Variants in SCLT1 observed in about 807,000 individuals in gnomAD.
The protein encoded by SCLT1 is sodium channel and clathrin linker 1, also known as sodium channel-associated protein 1.
A neutral mutation model predicts 112.8 loss-of-function variants in SCLT1; 78 were observed. The observed-to-expected ratio is 0.69, with a 90% confidence interval of 0.58 to 0.83. The LOEUF (loss-of-function observed/expected upper bound fraction) is 0.83, where lower values mean the gene tolerates loss of function less well. Ranked by LOEUF, SCLT1 falls within the 40% of genes least tolerant of loss-of-function variation. SCLT1 has a pLI of 0.00. For missense variants in SCLT1, 747 were observed against 770.4 expected (o/e 0.97, Z 0.36); for synonymous variants, 257 against 254.7 (o/e 1.01, Z -0.09).
chr4:128,952,823 T>C lies in SCLT1; in HGVS notation c.1164A>G (p.Lys388=), dbSNP rs751460794. The change falls in exon 14 of 21, where the codon AAA becomes AAG. Residue 388 remains lysine (K), a synonymous_variant. Transcript: ENST00000281142. ...RTKKEVANTK[K]QCNIQISRLT... The stretch of plus-strand genomic sequence containing the variant: ...ATCGAGAAATTTGTATATTACATTG[T>C]TTTTTGGTGTTTGCAACCTGTAAAT... 9 of 1,557,068 alleles carry C rather than the reference T, an allele frequency of 5.8e-6. No homozygotes were observed. In the East Asian group the frequency reaches 2.0e-4, roughly 35 times the overall value.
chr4:129,039,891 TGC>T (rs139255081), intron 4 of SCLT1: 83 of 264,014 alleles, frequency 3.1e-4, no homozygotes, highest in Middle Eastern at 3.0e-3. Context: ...ATGGAGAGTG[TGC>T]GCGCGCGCAC....
chr4:129,030,554 C>T (rs370341030), intron 5 of SCLT1, among the ~76,000 whole-genome samples: 56 of 151,808 alleles, frequency 3.7e-4, no homozygotes, highest in African/African-American at 1.3e-3. Flanking sequence ...ACAATATAGA[C>T]GGACCTCTAG....
At chr4:129,044,590 T>A (rs1281451404) in intron 2 of SCLT1, among the ~76,000 whole-genome samples, 5 of 151,872 alleles carry the variant, frequency 3.3e-5, no homozygotes, top group African/African-American at 1.2e-4. Flanking sequence ...TACAGGAGCT[T>A]ATTGAGAAAA....
At chr4:129,078,259 C>T (rs970888298) in intron 2 of SCLT1, among the ~76,000 whole-genome samples, 2 of 152,186 alleles carry the variant, frequency 1.3e-5, no homozygotes, top group Non-Finnish European at 2.9e-5. Context: ...ATGCATAATG[C>T]AGGTGCATCT....
intron 8 of SCLT1, among the ~76,000 whole-genome samples, chr4:128,995,446 T>A (rs1742928509): frequency 6.6e-6 from 1 of 152,174 alleles, no homozygotes; most frequent in South Asian, 2.1e-4. Flanking sequence ...TTAGGATTGG[T>A]TTCTGGAGAT....
rs116973114 is a variant in SCLT1 at position 129,060,478 on chromosome 4, T to C, written c.103-16427A>G. 1.1e-4 allele frequency among the ~76,000 whole-genome samples: 17 copies of C among 152,306 alleles called. No individual in the cohort carries two copies. The East Asian group carries it at 3.1e-3, about 28-fold the overall frequency. ...TCCACATCTTGTAGAATAGTTTTCA[T>C]AGAGAAATACTTTCACCTGCAGTTG... is the stretch of plus-strand genomic sequence containing the variant. On this transcript the variant is annotated intron_variant, in intron 2 of 20. Transcript: ENST00000281142.
At position 129,081,154 on chromosome 4, in the gene SCLT1, A is replaced by G. The variant is rs113934330; in HGVS notation, c.102+1152T>C. 4.8e-3 allele frequency among the ~76,000 whole-genome samples: 732 copies of G among 152,172 alleles called. 4 individuals carry two copies. Among genetic ancestry groups the G allele is most frequent in the African/African-American group, 0.016 (665 of 41,522 alleles). On this transcript the variant is annotated intron_variant, in intron 2 of 20. Coordinates refer to ENST00000281142, the MANE Select transcript of SCLT1 (RefSeq NM_144643.4). Reference sequence around the variant, plus strand: ...AAGATCTTAAGTAGTTTAGACACACACCTTTGCTCAAGGAAATTCACAGAA... The same window carrying G: ...AAGATCTTAAGTAGTTTAGACACACGCCTTTGCTCAAGGAAATTCACAGAA...
At chr4:128,873,273 G>GAAAAAAAAAAAAAAAAAAAAAAAAA (rs1553953485) in intron 5 of SCLT1, 1 of 78,664 alleles carries the variant, frequency 1.3e-5, no homozygotes, top group African/African-American at 4.7e-5. Flanking sequence ...AAAAAAAAAA[G>GAAAAAAAAAAAAAAAAAAAAAAAAA]AAAAAAAGAA....
At chr4:128,901,170 G>T (rs1734258384) in intron 18 of SCLT1, among the ~76,000 whole-genome samples, 1 of 152,052 alleles carries the variant, frequency 6.6e-6, no homozygotes, top group Non-Finnish European at 1.5e-5. Context: ...CCCATTACTG[G>T]GTATATACCC....
intron 15 of SCLT1, 47 bp from the exon 16 acceptor site, chr4:128,946,199 C>T: frequency 7.8e-7 from 1 of 1,279,338 alleles, no homozygotes. Flanking sequence ...AAGAAACTGT[C>T]TTAATAAACA....
At chr4:129,066,437 G>A (rs1419151015) in intron 2 of SCLT1, among the ~76,000 whole-genome samples, 3 of 151,954 alleles carry the variant, frequency 2.0e-5, no homozygotes, top group Non-Finnish European at 4.4e-5. Flanking sequence ...TTAAAAGGTT[G>A]TTTCACAATG....
chr4:128,893,050 C>T lies in SCLT1; in HGVS notation c.1830-1913G>A, dbSNP rs184996235. 1.3e-3 allele frequency among the ~76,000 whole-genome samples: 193 copies of T among 152,154 alleles called. 4 individuals carry two copies. The highest frequency in any genetic ancestry group is 4.7e-4 in the Non-Finnish European group (32 of 68,004). On this transcript the variant is annotated intron_variant, in intron 18 of 20. Coordinates refer to ENST00000281142, the MANE Select transcript of SCLT1 (RefSeq NM_144643.4). ...CAAATGTAATTACAGGTAAAAGTTA[C>T]GCATATTAGTGCTGATGAAAAATAA... is the stretch of plus-strand genomic sequence containing the variant.
chr4:128,932,895 A>C (rs1409612481), intron 18 of SCLT1, among the ~76,000 whole-genome samples: 1 of 152,190 alleles, frequency 6.6e-6, no homozygotes, highest in Non-Finnish European at 1.5e-5. Flanking sequence ...TCAACCAAGA[A>C]GGTGAAAAAT....
Position 128,975,040 on chromosome 4 carries a change from C to CTTTTT in SCLT1, c.687-4577_687-4573dup, listed in dbSNP as rs34603915. Among the ~76,000 whole-genome samples, 23 of 87,052 alleles carry CTTTTT rather than the reference C, an allele frequency of 2.6e-4. 4 individuals carry two copies. The highest frequency in any genetic ancestry group is 8.1e-4 in the African/African-American group (15 of 18,502). The allele number at this position is 87,052 out of a possible 152,430, so 57.1% of individuals were successfully genotyped here. ...GATATTAAACAGATTTGAATGACAA[C>CTTTTT]TTTTTTTTTTTTTTTTGAGATGGAG... is the stretch of plus-strand genomic sequence containing the variant. On this transcript the variant is annotated intron_variant, in intron 9 of 20. Transcript: ENST00000281142.
chr4:129,039,932 A>ACACACAC, intron 4 of SCLT1: 4 of 439,914 alleles, frequency 9.1e-6, no homozygotes, highest in East Asian at 3.9e-5. Flanking sequence ...ACACACACAC[A>ACACACAC]AAACCCTGAA....
chr4:128,925,228 CTG>C (rs1296110818), intron 18 of SCLT1, among the ~76,000 whole-genome samples: 2 of 152,144 alleles, frequency 1.3e-5, no homozygotes, highest in East Asian at 1.9e-4. Context: ...TCCTCAAAAA[CTG>C]TGAGAAAATA....
At chr4:128,937,381 T>A (rs1045571189) in intron 17 of SCLT1, among the ~76,000 whole-genome samples, 4 of 152,106 alleles carry the variant, frequency 2.6e-5, no homozygotes, top group Non-Finnish European at 5.9e-5. Context: ...AGAATTATGA[T>A]GAACTATATA....
At chr4:128,951,624 A>G (rs564995997) in intron 14 of SCLT1, among the ~76,000 whole-genome samples, 1 of 152,044 alleles carries the variant, frequency 6.6e-6, no homozygotes, top group African/African-American at 2.4e-5. Context: ...GTACCCTTCT[A>G]CTCCTCTTTT....
intron 13 of SCLT1, among the ~76,000 whole-genome samples, chr4:128,955,567 G>A (rs924557887): frequency 1.1e-4 from 16 of 152,110 alleles, no homozygotes; most frequent in Admixed American, 9.2e-4. Flanking sequence ...TTAGTCAATA[G>A]GAAGAGATAC....
Sources: allele counts gnomAD v4.1 joint callset (sites outside exome capture counted in the v4.1 genomes callset), GRCh38; gene constraint gnomAD v4.1.1; transcripts MANE v1.5; gene names NCBI Gene and HGNC (gene_info 2026-07-23, HGNC 2026-07-21).